The following SLC7A2 variants were observed in gnomAD, a reference collection of about 807,000 sequenced individuals.
SLC7A2 encodes solute carrier family 7 member 2.
Under a neutral mutation model 58.9 loss-of-function variants are expected in SLC7A2, and 48 were observed. The ratio of observed to expected loss-of-function variants is 0.82; its 90% CI spans 0.65 to 1.04. The LOEUF is 1.04. Ranked by LOEUF, SLC7A2 falls within the 50% of genes least tolerant of loss-of-function variation. The pLI, the probability that SLC7A2 is intolerant of heterozygous loss-of-function variation, is 0.00. For missense variants in SLC7A2, 1,029 were observed against 818.8 expected, an observed-to-expected ratio of 1.26 and a Z score of -3.13; for synonymous variants, 363 against 314.5, an observed-to-expected ratio of 1.15 and a Z score of -1.63.
chr8:17,503,494 T>C (rs1800249304), intron 2 of SLC7A2, among the ~76,000 whole-genome samples: 1 of 152,212 alleles, frequency 6.6e-6, no homozygotes, highest in Non-Finnish European at 1.5e-5. Context: ...TTATTATTCA[T>C]ACGCGGCGCT....
At chr8:17,518,593 A>G (rs1800892637) in intron 2 of SLC7A2, among the ~76,000 whole-genome samples, 1 of 147,170 alleles carries the variant, frequency 6.8e-6, no homozygotes, top group Non-Finnish European at 1.5e-5. Context: ...AGATGGTGCA[A>G]ACTAATCAGA....
At chr8:17,510,462 G>T (rs1458455135) in intron 2 of SLC7A2, among the ~76,000 whole-genome samples, 1 of 152,104 alleles carries the variant, frequency 6.6e-6, no homozygotes, top group Admixed American at 6.6e-5. Flanking sequence ...GTGTAAAAGC[G>T]TTCCTATTTC....
intron 2 of SLC7A2, among the ~76,000 whole-genome samples, chr8:17,508,628 G>T (rs181828645): frequency 6.4e-4 from 97 of 152,192 alleles, no homozygotes; most frequent in Non-Finnish European, 2.4e-4. Flanking sequence ...GGAGGCTGCG[G>T]TATGAGAATC....
chr8:17,548,855 G>T lies in SLC7A2; in HGVS notation c.698+12G>T. ...TCAGCAAGTGCCAGGTAAAATATTT[G>T]AGGTTTTTTTTTTTCTCCTTCTTGT... On this transcript the variant is annotated intron_variant, in intron 5 of 12. Transcript: ENST00000494857. 1 of 1,449,060 alleles carries T rather than the reference G, an allele frequency of 6.9e-7. No individual in the cohort carries two copies. Among genetic ancestry groups the T allele is most frequent in the Non-Finnish European group, 9.0e-7 (1 of 1,106,406 alleles). The allele number at this position is 1,449,060 out of a possible 1,614,324, so 89.8% of individuals were successfully genotyped here.
chr8:17,522,530 C>T (rs913609815), intron 2 of SLC7A2, among the ~76,000 whole-genome samples: 8 of 152,090 alleles, frequency 5.3e-5, no homozygotes, highest in Non-Finnish European at 1.0e-4. Context: ...GGGGAGGATT[C>T]TTACTATATT....
At chr8:17,517,182 T>C (rs972478142) in intron 2 of SLC7A2, among the ~76,000 whole-genome samples, 6 of 152,240 alleles carry the variant, frequency 3.9e-5, no homozygotes, top group Admixed American at 2.6e-4. Flanking sequence ...AACTGACTTA[T>C]ACTCATTTAT....
Position 17,565,321 on chromosome 8 carries a change from G to A in SLC7A2, c.*175G>A, listed in dbSNP as rs893626763. 31 of 582,786 alleles carry A rather than the reference G, an allele frequency of 5.3e-5. No homozygotes were observed. Among genetic ancestry groups the A allele is most frequent in the African/African-American group, 9.4e-5 (5 of 53,468 alleles). The allele number at this position is 582,786 out of a possible 1,614,324, so 36.1% of individuals were successfully genotyped here. Reference sequence around the variant, plus strand: ...TCCTCAGATGGTGAATTATGTGCACGGGGAAACCTCCTGAGTGGAAGTTTC... The same window carrying A: ...TCCTCAGATGGTGAATTATGTGCACAGGGAAACCTCCTGAGTGGAAGTTTC... On this transcript the variant is annotated 3_prime_UTR_variant, in exon 13 of 13. Transcript: ENST00000494857.
At chr8:17,545,403 CTTT>C (rs386412194) in intron 4 of SLC7A2, among the ~76,000 whole-genome samples, 20 of 64,296 alleles carry the variant, frequency 3.1e-4, no homozygotes, top group East Asian at 4.2e-4. Context: ...TGAACATTTT[CTTT>C]TTTTTTTTTT....
chr8:17,565,042 G>T lies in SLC7A2; in HGVS notation c.1873G>T (p.Val625Phe). Residue 625 changes from valine to phenylalanine, a missense_variant, in exon 13 of 13, where the codon GTT (valine) becomes TTT (phenylalanine). Val to Phe is a conservative substitution (Grantham distance 50, BLOSUM62 -1). Coordinates refer to ENST00000494857, the MANE Select transcript of SLC7A2 (RefSeq NM_001370338.1). The stretch of plus-strand genomic sequence containing the variant: ...TGAAGAAGATGCTTATCCAGACAAC[G>T]TTCATGCAGCAGCAGAAGAAAAATC... ...NNEEDAYPDN[V>F]HAAAEEKSAI... 6.2e-7 allele frequency: 1 copy of T among 1,613,836 alleles called. No homozygotes were observed. Among genetic ancestry groups the T allele is most frequent in the Non-Finnish European group, 8.5e-7 (1 of 1,179,900 alleles).
rs1238073459 is a variant in SLC7A2, at chr8:17,563,678, A to G, written c.1747A>G (p.Thr583Ala). The part of the protein sequence containing the change: ...IYLMVQLSAD[T>A]WVRFSIWMAI... ...CTTGATGGTCCAGTTAAGTGCAGAC[A>G]CTTGGGTCAGATTCAGCATTTGGAT... is the stretch of plus-strand genomic sequence containing the variant. The change falls in exon 12 of 13, where the codon ACT (threonine) becomes GCT (alanine). Residue 583 changes from threonine (T) to alanine (A), a missense_variant. Coordinates refer to ENST00000494857, the MANE Select transcript of SLC7A2 (RefSeq NM_001370338.1). 1 of 1,612,472 alleles carries G rather than the reference A, an allele frequency of 6.2e-7. No homozygotes were observed. The highest frequency in any genetic ancestry group is 1.1e-5 in the South Asian group (1 of 90,962).
intron 3 of SLC7A2, among the ~76,000 whole-genome samples, chr8:17,544,030 G>A (rs1271332513): frequency 6.6e-6 from 1 of 152,082 alleles, no homozygotes; most frequent in Non-Finnish European, 1.5e-5. Flanking sequence ...CACCATGCCT[G>A]GCTAATTTTT....
chr8:17,550,885 C>G lies in SLC7A2; in HGVS notation c.832+451C>G, dbSNP rs118163372. 4.7e-4 allele frequency among the ~76,000 whole-genome samples: 71 copies of G among 152,194 alleles called. 1 individual carries two copies. The highest frequency in any genetic ancestry group is 1.6e-3 in the African/African-American group (66 of 41,506). On this transcript the variant is annotated intron_variant, in intron 6 of 12. Coordinates refer to ENST00000494857, the MANE Select transcript of SLC7A2 (RefSeq NM_001370338.1). ...ATCTTATACAACATCATAATCATGC[C>G]GGAGTCACTCTCTAAATGCCTCCTC...
chr8:17,509,992 G>C (rs897987144), intron 2 of SLC7A2, among the ~76,000 whole-genome samples: 3 of 152,062 alleles, frequency 2.0e-5, no homozygotes, highest in Non-Finnish European at 4.4e-5. Context: ...GGCCAAGGCA[G>C]GTGGATCACT....
intron 2 of SLC7A2, among the ~76,000 whole-genome samples, chr8:17,516,677 G>A (rs1036545862): frequency 2.0e-5 from 3 of 152,166 alleles, no homozygotes. Context: ...CTGAACACCT[G>A]CAGTTTCTTT....
chr8:17,542,345 A>AT (rs1801948273), intron 2 of SLC7A2, among the ~76,000 whole-genome samples: 1 of 152,172 alleles, frequency 6.6e-6, no homozygotes, highest in African/African-American at 2.4e-5. Flanking sequence ...AATTCCTGGT[A>AT]TTTAGTAAGG....
chr8:17,555,952 A>G (rs1585261255), intron 8 of SLC7A2, among the ~76,000 whole-genome samples: 2 of 152,184 alleles, frequency 1.3e-5, no homozygotes, highest in African/African-American at 4.8e-5. Flanking sequence ...CCAAAATGAC[A>G]ATTTCGTTGA....
chr8:17,520,312 A>G (rs1167127240), intron 2 of SLC7A2, among the ~76,000 whole-genome samples: 1 of 152,132 alleles, frequency 6.6e-6, no homozygotes, highest in African/African-American at 2.4e-5. Flanking sequence ...GTGTATATAT[A>G]CATAAAATGC....
intron 2 of SLC7A2, among the ~76,000 whole-genome samples, chr8:17,509,832 T>C (rs1237661972): frequency 1.3e-5 from 2 of 152,090 alleles, no homozygotes; most frequent in South Asian, 2.1e-4. Flanking sequence ...ATAGCTTTAG[T>C]AAATCATGAA....
intron 11 of SLC7A2, among the ~76,000 whole-genome samples, chr8:17,562,460 C>T (rs1361369693): frequency 2.6e-5 from 4 of 151,994 alleles, no homozygotes; most frequent in African/African-American, 9.7e-5. Context: ...CCACCTCTGC[C>T]TCCAAAAGTG....
Sources: allele counts gnomAD v4.1 joint callset (sites outside exome capture counted in the v4.1 genomes callset), GRCh38; gene constraint gnomAD v4.1.1; transcripts MANE v1.5; gene names NCBI Gene and HGNC (gene_info 2026-07-23, HGNC 2026-07-21).